The following CFAP47 variants were observed in gnomAD, a reference collection of about 807,000 sequenced individuals.
The protein encoded by CFAP47 is cilia and flagella associated protein 47.
In CFAP47, 29 loss-of-function variants were observed where a neutral mutation model predicts 148.1. That is an observed-to-expected ratio of 0.20 (90% CI 0.15 to 0.27). The LOEUF is 0.27. Ranked by LOEUF, CFAP47 falls within the 10% of genes least tolerant of loss-of-function variation. CFAP47 has a pLI of 1.00. For synonymous variants in CFAP47, 664 were observed against 577.3 expected (o/e 1.15, Z -2.15); for missense variants, 1,872 against 1,697.5 (o/e 1.10, Z -1.81).
intron 60 of CFAP47, 106 bp from the exon 61 acceptor site, chrX:36,361,224 T>A: frequency 2.4e-6 from 1 of 415,358 alleles, no homozygotes; most frequent in Admixed American, 4.6e-5. Context: ...ATATACCCCC[T>A]CCCTTTCTCT....
chrX:36,338,496 A>T (rs1422138464), intron 57 of CFAP47, among the ~76,000 whole-genome samples: 2 of 111,704 alleles, frequency 1.8e-5, no homozygotes, highest in Admixed American at 9.5e-5. Flanking sequence ...TGCAGTTCTC[A>T]TCTTGCTCAA....
chrX:36,186,858 ATT>A (rs371900122), intron 40 of CFAP47, among the ~76,000 whole-genome samples: 2 of 104,344 alleles, frequency 1.9e-5, no homozygotes, highest in Admixed American at 1.0e-4. Flanking sequence ...GTTCTACAGT[ATT>A]TTTTTTTTTT....
intron 30 of CFAP47, among the ~76,000 whole-genome samples, chrX:36,095,190 A>G (rs1938253599): frequency 9.0e-6 from 1 of 111,436 alleles, no homozygotes; most frequent in South Asian, 3.7e-4. Context: ...TGATTGTATG[A>G]CATACATTGC....
At chrX:36,291,292 A>G (rs1341853735) in intron 51 of CFAP47, among the ~76,000 whole-genome samples, 2 of 112,116 alleles carry the variant, frequency 1.8e-5, no homozygotes, top group East Asian at 5.6e-4. Context: ...TTGAGATGAA[A>G]AATTATAATT....
At chrX:35,933,142 T>C (rs1177117391) in intron 2 of CFAP47, among the ~76,000 whole-genome samples, 1 of 111,735 alleles carries the variant, frequency 8.9e-6, no homozygotes, top group Non-Finnish European at 1.9e-5. Flanking sequence ...CTTGTTGTGA[T>C]AGTAAATACT....
intron 21 of CFAP47, among the ~76,000 whole-genome samples, chrX:36,010,237 G>A (rs1395063778): frequency 9.0e-6 from 1 of 110,966 alleles, no homozygotes; most frequent in Non-Finnish European, 1.9e-5. Context: ...TTCAGCTTTA[G>A]TATAGATCAA....
rs1487246859 is a variant in CFAP47 at position 36,101,935 on chromosome X, T to G, written c.5127+2056T>G. 2.7e-5 allele frequency among the ~76,000 whole-genome samples: 3 copies of G among 111,650 alleles called. No individual in the cohort carries two copies. In the East Asian group the frequency reaches 8.5e-4, roughly 32 times the overall value. On this transcript the variant is annotated intron_variant, in intron 32 of 63. Transcript: ENST00000378653. ...TATAATAGCAAAGTTCATGTGAACC[T>G]GAAAGTGCATATGATAGGGGTGGGA... is the stretch of plus-strand genomic sequence containing the variant.
chrX:36,293,427 G>C (rs192862754), intron 51 of CFAP47, among the ~76,000 whole-genome samples: 1 of 112,354 alleles, frequency 8.9e-6, no homozygotes, highest in East Asian at 2.8e-4. Flanking sequence ...GTTGGTGGGT[G>C]GCATACTCTG....
chrX:36,343,409 C>T (rs1239728717), intron 57 of CFAP47, among the ~76,000 whole-genome samples: 9 of 111,372 alleles, frequency 8.1e-5, no homozygotes, highest in Non-Finnish European at 1.3e-4. Flanking sequence ...GTTAGAATGG[C>T]GATCATTAAA....
chrX:36,054,781 C>CT (rs1016051222), intron 26 of CFAP47, among the ~76,000 whole-genome samples: 29 of 108,872 alleles, frequency 2.7e-4, no homozygotes, highest in East Asian at 5.8e-4. Context: ...TATTTTTTCT[C>CT]TTTTTTTTTG....
intron 18 of CFAP47, 117 bp from the exon 19 acceptor site, chrX:35,997,195 A>T: frequency 3.9e-6 from 1 of 257,264 alleles, no homozygotes. Context: ...TTGTGCATTT[A>T]TAATATGTTA....
chrX:35,976,341 T>C (rs1304549602), intron 15 of CFAP47, among the ~76,000 whole-genome samples: 1 of 111,354 alleles, frequency 9.0e-6, no homozygotes, highest in East Asian at 2.8e-4. Flanking sequence ...CATCAGTCTT[T>C]TCTGTTAAGG....
At chrX:36,076,967 T>C (rs1435649399) in intron 29 of CFAP47, among the ~76,000 whole-genome samples, 1 of 110,879 alleles carries the variant, frequency 9.0e-6, no homozygotes, top group Non-Finnish European at 1.9e-5. Context: ...ACTAGCCAAG[T>C]ATCATAGTAT....
Position 36,238,043 on chromosome X carries a change from G to A in CFAP47, c.7332+1184G>A, listed in dbSNP as rs143367507. 7.4e-3 allele frequency among the ~76,000 whole-genome samples: 820 copies of A among 111,005 alleles called. 4 individuals carry two copies. Among genetic ancestry groups the A allele is most frequent in the African/African-American group, 0.026 (786 of 30,529 alleles). On this transcript the variant is annotated intron_variant, in intron 48 of 63. Transcript: ENST00000378653. ...GCCCATTTTTTTATAGGGATATCTG[G>A]ATTTTAATGTCTTTTTTTTTCTGTT... is the stretch of plus-strand genomic sequence containing the variant.
At chrX:36,103,888 A>G (rs1428894615) in intron 32 of CFAP47, among the ~76,000 whole-genome samples, 1 of 111,743 alleles carries the variant, frequency 8.9e-6, no homozygotes, top group Non-Finnish European at 1.9e-5. Context: ...ACAGACACAG[A>G]GTTCTTTTCA....
intron 57 of CFAP47, among the ~76,000 whole-genome samples, chrX:36,345,162 A>T (rs1321815803): frequency 3.6e-5 from 4 of 111,709 alleles, no homozygotes; most frequent in African/African-American, 1.3e-4. Context: ...AAGTGTGTTT[A>T]TATTAATTAA....
intron 1 of CFAP47, among the ~76,000 whole-genome samples, chrX:35,924,460 G>GTACACCTATATGTGTATATAT (rs1569202172): frequency 9.9e-6 from 1 of 100,900 alleles, no homozygotes; most frequent in African/African-American, 3.8e-5. Context: ...TGTGTATATA[G>GTACACCTATATGTGTATATAT]GTGCACCTAT....
chrX:36,193,660 G>A (rs1292966514), intron 42 of CFAP47, among the ~76,000 whole-genome samples: 1 of 111,051 alleles, frequency 9.0e-6, no homozygotes, highest in African/African-American at 3.3e-5. Context: ...GGCAGGTTAT[G>A]TCAACCTTGA....
intron 8 of CFAP47, among the ~76,000 whole-genome samples, chrX:35,963,903 A>C (rs1165398019): frequency 3.6e-5 from 4 of 111,466 alleles, no homozygotes; most frequent in Admixed American, 2.9e-4. Context: ...TTGTCATACA[A>C]ATAATATGTG....
Sources: gnomAD v4.1 joint callset for allele counts (sites outside exome capture counted in the v4.1 genomes callset) on GRCh38, gnomAD v4.1.1 for gene constraint, MANE v1.5 for transcripts, NCBI Gene and HGNC (gene_info 2026-07-23, HGNC 2026-07-21) for gene names.